MYO15A: variants seen among roughly 807,000 people sequenced by gnomAD.
The protein encoded by MYO15A is myosin XVA.
Under a neutral mutation model 394.6 loss-of-function variants are expected in MYO15A, and 308 were observed. The observed-to-expected ratio is 0.78, with a 90% CI of 0.71 to 0.86. The LOEUF (loss-of-function observed/expected upper bound fraction) is 0.86. MYO15A is among the 40% of genes least tolerant of loss of function. The probability of loss-of-function intolerance (pLI) is 0.00; values close to 1 mark genes in which losing one functional copy is unlikely to be tolerated. For missense variants in MYO15A, 4,606 were observed against 4,799.1 expected, an observed-to-expected ratio of 0.96 and a Z score of 1.19; for synonymous variants, 1,957 against 2,003.8, an observed-to-expected ratio of 0.98 and a Z score of 0.62.
At position 18,148,931 on chromosome 17, in the gene MYO15A, C is replaced by T. The variant is rs1342661833; in HGVS notation, c.6935C>T (p.Ala2312Val). The T allele has an allele frequency of 1.2e-6, 2 of 1,601,582 alleles. No homozygotes were observed. Among genetic ancestry groups the T allele is most frequent in the African/African-American group, 1.3e-5 (1 of 74,728 alleles). ...YFIVGTEGPA[A>V]SRGGPKVVFG... is the part of the protein sequence containing the mutation. ...ATTGTGGGCACAGAGGGGCCTGCAGCCAGCAGGGGAGGCCCCAAAGTGTAG... is the reference window on the plus strand; with the variant it reads ...ATTGTGGGCACAGAGGGGCCTGCAGTCAGCAGGGGAGGCCCCAAAGTGTAG... Residue 2312 changes from alanine to valine, a missense_variant, in exon 33 of 66, where the codon GCC becomes GTC. Physicochemically the swap from Ala to Val is moderately conservative, Grantham distance 64. Around this residue, in one of 2 missense-constraint regions of MYO15A, gnomAD observed 2,776 missense variants for 3,109.3 expected, o/e 0.89. Coordinates refer to ENST00000647165, the MANE Select transcript of MYO15A (RefSeq NM_016239.4). This position sits in a 1 kb window ranked among gnomAD's most constrained non-coding sequence, Gnocchi z 4.8.
At position 18,119,984 on chromosome 17, in the gene MYO15A, C is replaced by G. The variant is rs140221279; in HGVS notation, c.1184C>G (p.Pro395Arg). The G allele has an allele frequency of 1.4e-5, 22 of 1,613,662 alleles. No homozygotes were observed. Among genetic ancestry groups the G allele is most frequent in the Admixed American group, 3.3e-5 (2 of 60,012 alleles). Residue 395 changes from proline to arginine, a missense_variant, in exon 2 of 66, where the codon CCC becomes CGC. Physicochemically the swap from Pro to Arg is moderately radical, Grantham distance 103. Coordinates refer to ENST00000647165, the MANE Select transcript of MYO15A (RefSeq NM_016239.4). ...GGTGGGGACGAGGCCATCTACCCCC[C>G]CGAGGTGCCCTATTTTTACCCGGAG... ...YGGGDEAIYPPEVPYFYPEES... is the reference protein window; with the variant it reads ...YGGGDEAIYPREVPYFYPEES...
rs190486507 is a variant in MYO15A, at chr17:18,173,873, G to A, written c.10443G>A (p.Ala3481=). The A allele has an allele frequency of 3.6e-4, 587 of 1,613,122 alleles. 1 individual carries two copies. The African/African-American group carries it at 6.7e-3, about 18-fold the overall frequency. The change falls in exon 65 of 66, where the codon GCG becomes GCA. Residue 3481 remains alanine (A), a synonymous_variant. Coordinates refer to ENST00000647165, the MANE Select transcript of MYO15A (RefSeq NM_016239.4). ...ANSSYPYVEI[A]LGDVAAQRTL... Reference sequence around the variant, plus strand: ...CCAGCTACCCCTATGTGGAGATTGCGCTGGGGGACGTGGCGGCCCAGCGCA... The same window carrying A: ...CCAGCTACCCCTATGTGGAGATTGCACTGGGGGACGTGGCGGCCCAGCGCA...
At chr17:18,130,726 A>G (rs1166039149) in intron 7 of MYO15A, 79 bp from the exon 8 acceptor site, 1 of 1,609,260 alleles carries the variant, frequency 6.2e-7, no homozygotes, top group Non-Finnish European at 8.5e-7. Flanking sequence ...TCTCCTGGAG[A>G]GAGTGGTGGT....
chr17:18,139,705 G>T, intron 19 of MYO15A, 94 bp downstream of exon 19: 1 of 1,431,350 alleles, frequency 7.0e-7, no homozygotes, highest in African/African-American at 1.4e-5. Context: ...GTGTTGCCAC[G>T]TCCTGGCTCC....
At chr17:18,152,829 G>T (rs1449917932) in intron 42 of MYO15A, among the ~76,000 whole-genome samples, 1 of 152,156 alleles carries the variant, frequency 6.6e-6, no homozygotes, top group Non-Finnish European at 1.5e-5. Context: ...ACCTTTGCAT[G>T]CCTGGCTCCT....
Position 18,137,640 on chromosome 17 carries a change from T to C in MYO15A, c.4836T>C (p.Leu1612=), listed in dbSNP as rs1275358905. 2.5e-6 allele frequency: 4 copies of C among 1,614,070 alleles called. No homozygotes were observed. In the South Asian group the frequency reaches 4.4e-5, roughly 18 times the overall value. Residue 1612 remains leucine, a synonymous_variant, in exon 16 of 66, where the codon CTT becomes CTC. Coordinates refer to ENST00000647165, the MANE Select transcript of MYO15A (RefSeq NM_016239.4). ...QLCINYANEN[L]QYLFNKIVFQ... ...GTATTAACTACGCAAACGAGAACCTTCAGTACCTTTTCAACAAGATCGTCT... is the reference window on the plus strand; with the variant it reads ...GTATTAACTACGCAAACGAGAACCTCCAGTACCTTTTCAACAAGATCGTCT...
chr17:18,115,377 G>A (rs1233378379), intron 1 of MYO15A, among the ~76,000 whole-genome samples: 2 of 152,140 alleles, frequency 1.3e-5, no homozygotes, highest in Admixed American at 6.5e-5. Context: ...CCAACACTTT[G>A]GGAGGTCGAG....
Position 18,132,552 on chromosome 17 carries a change from T to G in MYO15A, c.4306T>G (p.Tyr1436Asp). The change falls in exon 11 of 66, where the codon TAC (tyrosine) becomes GAC (aspartate). Residue 1436 changes from tyrosine (Y) to aspartate (D), a missense_variant. Tyr to Asp is a radical substitution (Grantham distance 160, BLOSUM62 -3). This residue lies in a region of MYO15A where 2,776 missense variants were observed against 3,109.3 expected (regional missense o/e 0.89). Transcript: ENST00000647165. This position sits in a 1 kb window ranked among gnomAD's most constrained non-coding sequence, Gnocchi z 4.6. ...TAGCCTGCAAGAGGCTGAGACCTACTACTATCTGAACCAGGTGAGTGCCAG... is the reference window on the plus strand; with the variant it reads ...TAGCCTGCAAGAGGCTGAGACCTACGACTATCTGAACCAGGTGAGTGCCAG... ...AFSLQEAETY[Y>D]YLNQGGNCEI... 6.2e-7 allele frequency: 1 copy of G among 1,611,856 alleles called. No homozygotes were observed. The highest frequency in any genetic ancestry group is 8.5e-7 in the Non-Finnish European group (1 of 1,179,966).
chr17:18,133,849 G>T (rs912252942), intron 12 of MYO15A, among the ~76,000 whole-genome samples: 1 of 152,058 alleles, frequency 6.6e-6, no homozygotes, highest in East Asian at 1.9e-4. Flanking sequence ...GTAGAGACGG[G>T]GTTTCACCAT....
chr17:18,174,065 G>T, intron 65 of MYO15A, 144 bp downstream of exon 65: 1 of 1,228,786 alleles, frequency 8.1e-7, no homozygotes, highest in Non-Finnish European at 1.1e-6. Context: ...GCACGGAACT[G>T]CAGATCATTA....
At chr17:18,160,102 C>A (rs2046754592) in intron 56 of MYO15A, 85 bp downstream of exon 56, 1 of 1,262,760 alleles carries the variant, frequency 7.9e-7, no homozygotes. Context: ...CCTCCTCAGG[C>A]CTGACCCCTC....
intron 63 of MYO15A, 29 bp downstream of exon 63, chr17:18,171,800 C>G (rs2046945818): frequency 1.9e-6 from 3 of 1,599,246 alleles, no homozygotes; most frequent in Non-Finnish European, 2.5e-6. Flanking sequence ...GGGAGGTGAT[C>G]ATAGGGGGCT....
intron 53 of MYO15A, 99 bp downstream of exon 53, chr17:18,159,096 C>T: frequency 7.1e-7 from 1 of 1,416,188 alleles, no homozygotes; most frequent in Non-Finnish European, 9.8e-7. Context: ...TCAGTGAGAC[C>T]CTCTGATTCT....
At position 18,144,509 on chromosome 17, in the gene MYO15A, G is replaced by C; in HGVS notation, c.6190G>C (p.Gly2064Arg). 6.2e-7 allele frequency: 1 copy of C among 1,613,306 alleles called. No homozygotes were observed. Among genetic ancestry groups the C allele is most frequent in the Non-Finnish European group, 8.5e-7 (1 of 1,179,994 alleles). The change falls in exon 29 of 66, where the codon GGG becomes CGG. Residue 2064 changes from glycine (G) to arginine (R), a missense_variant. Physicochemically the swap from Gly to Arg is moderately radical, Grantham distance 125. Transcript: ENST00000647165. The part of the protein sequence containing the change: ...VQCHFKEPAF[G>R]MLTVPLRTPL... The stretch of plus-strand genomic sequence containing the variant: ...CCCTGTGTCTTAGGAACCTGCCTTT[G>C]GGATGCTGACAGTGCCCCTGAGGAC...
In MYO15A at chr17:18,138,803, G is replaced by A. The variant is rs757381562; in HGVS notation, c.5008-8G>A. Reference sequence around the variant, plus strand: ...CTGCCCACCCACTGATCCCTAAATTGCCCCCAGGCTACAGACCACACCTTC... The same window carrying A: ...CTGCCCACCCACTGATCCCTAAATTACCCCCAGGCTACAGACCACACCTTC... On this transcript the variant is annotated splice_polypyrimidine_tract_variant and splice_region_variant and intron_variant, in intron 17 of 65. Transcript: ENST00000647165. 6.2e-7 allele frequency: 1 copy of A among 1,613,538 alleles called. No homozygotes were observed. Among genetic ancestry groups the A allele is most frequent in the Non-Finnish European group, 8.5e-7 (1 of 1,179,864 alleles).
intron 17 of MYO15A, 52 bp downstream of exon 17, chr17:18,138,298 C>G (rs1393799149): frequency 2.5e-6 from 4 of 1,592,336 alleles, no homozygotes; most frequent in Non-Finnish European, 3.4e-6. Flanking sequence ...CTCTCAGCCT[C>G]ATGTCCTCAT....
chr17:18,172,016 G>C, intron 63 of MYO15A, 141 bp from the exon 64 acceptor site: 1 of 1,442,842 alleles, frequency 6.9e-7, no homozygotes, highest in East Asian at 2.4e-5. Flanking sequence ...GAGAAGGGAG[G>C]CCAGAGAGAT....
intron 29 of MYO15A, 100 bp downstream of exon 29, chr17:18,144,692 C>T: frequency 9.0e-7 from 1 of 1,115,298 alleles, no homozygotes; most frequent in Non-Finnish European, 1.3e-6. Flanking sequence ...AAGCCCAACC[C>T]ATGAGCCCCA....
At chr17:18,157,115 G>A in intron 49 of MYO15A, 41 bp from the exon 50 acceptor site, 1 of 1,611,610 alleles carries the variant, frequency 6.2e-7, no homozygotes, top group South Asian at 1.1e-5. Context: ...GCTGGCCAAG[G>A]GGGCCTCCCT....
Sources: allele counts gnomAD v4.1 joint callset (sites outside exome capture counted in the v4.1 genomes callset), GRCh38; gene constraint gnomAD v4.1.1; regional missense constraint gnomAD v4.1.1; non-coding constraint Gnocchi (gnomAD v3.1); transcripts MANE v1.5; gene names NCBI Gene and HGNC (gene_info 2026-07-23, HGNC 2026-07-21).